SAMTOR: variants seen among roughly 807,000 people sequenced by gnomAD.
SAMTOR encodes UPF0532 protein C7orf60.
the SAMTOR span, among the ~76,000 whole-genome samples, chr7:112,884,243 T>C: frequency 6.6e-6 from 1 of 152,226 alleles, no homozygotes; most frequent in East Asian, 1.9e-4. Flanking sequence ...GTGGGGACAA[T>C]GCCAGATCAC....
chr7:112,819,539 T>C, the SAMTOR span: 1 of 152,396 alleles, frequency 6.6e-6, no homozygotes, highest in Admixed American at 6.6e-5. Context: ...TTGTGGAATG[T>C]GTATCAGTTT....
chr7:112,841,421 G>A, the SAMTOR span, among the ~76,000 whole-genome samples: 12 of 152,010 alleles, frequency 7.9e-5, no homozygotes, highest in African/African-American at 2.7e-4. Context: ...ACTGCTCAAG[G>A]AAATAAGAGG....
chr7:112,868,299 T>C, the SAMTOR span, among the ~76,000 whole-genome samples: 16 of 152,174 alleles, frequency 1.1e-4, no homozygotes, highest in Admixed American at 2.6e-4. Flanking sequence ...AAGATCAATA[T>C]GTAACTTTAA....
the SAMTOR span, among the ~76,000 whole-genome samples, chr7:112,902,434 A>AC: frequency 8.9e-6 from 1 of 111,974 alleles, no homozygotes; most frequent in East Asian, 3.3e-4. Flanking sequence ...AAAAACAAAA[A>AC]AAAACAAAAA....
At chr7:112,886,518 A>C in the SAMTOR span, among the ~76,000 whole-genome samples, 5 of 152,216 alleles carry the variant, frequency 3.3e-5, no homozygotes, top group African/African-American at 1.2e-4. Context: ...GAAAGGAAAC[A>C]ACCTAAATGT....
the SAMTOR span, among the ~76,000 whole-genome samples, chr7:112,919,900 A>G: frequency 6.6e-6 from 1 of 152,274 alleles, no homozygotes; most frequent in Non-Finnish European, 1.5e-5. Context: ...CTAAACCAGG[A>G]AGAAGTTGAA....
chr7:112,819,394 A>G, the SAMTOR span: 1 of 152,268 alleles, frequency 6.6e-6, no homozygotes, highest in South Asian at 2.1e-4. Flanking sequence ...CTTTATATCC[A>G]AAATGAAATA....
the SAMTOR span, among the ~76,000 whole-genome samples, chr7:112,923,090 G>A: frequency 6.6e-6 from 1 of 152,342 alleles, no homozygotes; most frequent in East Asian, 1.9e-4. Context: ...TGTCTGTGTA[G>A]AAAGAAGTAG....
At chr7:112,924,548 A>C in the SAMTOR span, among the ~76,000 whole-genome samples, 1 of 152,178 alleles carries the variant, frequency 6.6e-6, no homozygotes, top group Non-Finnish European at 1.5e-5. Flanking sequence ...TCTTGGCCTG[A>C]ATACTGATTT....
At chr7:112,857,721 A>G in the SAMTOR span, among the ~76,000 whole-genome samples, 4 of 152,226 alleles carry the variant, frequency 2.6e-5, no homozygotes, top group African/African-American at 7.2e-5. Flanking sequence ...AAGTTAGTCT[A>G]TTCTGTATAA....
chr7:112,896,038 A>T, the SAMTOR span, among the ~76,000 whole-genome samples: 2 of 152,182 alleles, frequency 1.3e-5, no homozygotes, highest in African/African-American at 4.8e-5. Context: ...TCTCCAGCAA[A>T]GCTTACATAA....
chr7:112,923,505 C>T, the SAMTOR span, among the ~76,000 whole-genome samples: 1 of 151,224 alleles, frequency 6.6e-6, no homozygotes, highest in East Asian at 1.9e-4. Context: ...AATAAATACT[C>T]AAAAACAAAA....
chr7:112,915,014 G>A, the SAMTOR span, among the ~76,000 whole-genome samples: 1 of 152,076 alleles, frequency 6.6e-6, no homozygotes, highest in Non-Finnish European at 1.5e-5. Context: ...GCTGAGGCGG[G>A]CAGGTCACGA....
the SAMTOR span, among the ~76,000 whole-genome samples, chr7:112,873,002 A>C: frequency 6.6e-6 from 1 of 151,796 alleles, no homozygotes; most frequent in Non-Finnish European, 1.5e-5. Flanking sequence ...AATATATCCA[A>C]CCAAGGAGGT....
At chr7:112,859,315 A>G in the SAMTOR span, among the ~76,000 whole-genome samples, 1 of 152,218 alleles carries the variant, frequency 6.6e-6, no homozygotes, top group Non-Finnish European at 1.5e-5. Flanking sequence ...AACATAATGG[A>G]GCTGAAAACT....
chr7:112,922,238 G>T, the SAMTOR span, among the ~76,000 whole-genome samples: 1 of 152,216 alleles, frequency 6.6e-6, no homozygotes, highest in Non-Finnish European at 1.5e-5. Flanking sequence ...GATTGCAGAC[G>T]GAGTCTCATT....
At chr7:112,869,342 T>C in the SAMTOR span, among the ~76,000 whole-genome samples, 4 of 152,046 alleles carry the variant, frequency 2.6e-5, no homozygotes, top group African/African-American at 7.2e-5. Flanking sequence ...TTTGCCTCTG[T>C]CGCCTCCTGC....
At chr7:112,884,508 C>A in the SAMTOR span, among the ~76,000 whole-genome samples, 1 of 152,022 alleles carries the variant, frequency 6.6e-6, no homozygotes, top group Non-Finnish European at 1.5e-5. Context: ...AGAAATTGGC[C>A]AAAACAAAGG....
the SAMTOR span, among the ~76,000 whole-genome samples, chr7:112,892,888 T>C: frequency 6.6e-6 from 1 of 152,178 alleles, no homozygotes; most frequent in Non-Finnish European, 1.5e-5. Context: ...TCCTCGTACA[T>C]ATATATCAGA....
Sources: allele counts gnomAD v4.1 joint callset (sites outside exome capture counted in the v4.1 genomes callset), GRCh38; gene constraint gnomAD v4.1.1; transcripts MANE v1.5; gene names NCBI Gene and HGNC (gene_info 2026-07-23, HGNC 2026-07-21).